The following FBXL17 variants were observed in gnomAD, a reference collection of about 807,000 sequenced individuals.
The protein encoded by FBXL17 is F-box/LRR-repeat protein 17.
A neutral mutation model predicts 66.2 loss-of-function variants in FBXL17; 22 were observed. The ratio of observed to expected loss-of-function variants is 0.33; its 90% CI spans 0.24 to 0.47. The LOEUF (loss-of-function observed/expected upper bound fraction) is 0.47. Ranked by LOEUF, FBXL17 falls within the 20% of genes least tolerant of loss-of-function variation. The pLI, the probability that FBXL17 is intolerant of heterozygous loss-of-function variation, is 1.00. For missense variants in FBXL17, 878 were observed against 948.2 expected, an observed-to-expected ratio of 0.93 and a Z score of 0.97; for synonymous variants, 474 against 400.5, an observed-to-expected ratio of 1.18 and a Z score of -2.19.
chr5:107,870,853 T>C (rs1263491827), intron 8 of FBXL17, among the ~76,000 whole-genome samples: 4 of 151,878 alleles, frequency 2.6e-5, no homozygotes, highest in African/African-American at 9.7e-5. Context: ...CCCAAAGTGC[T>C]GGGTTAATAC....
rs565268305 is a variant in FBXL17, at chr5:108,328,516, T to C, written c.1506+19883A>G. ...TGATGGGAAAAAATGAAAAGAGCCA[T>C]AGTACCCATCAATAATGAAGTCTTG... On this transcript the variant is annotated intron_variant, in intron 4 of 8. Coordinates refer to ENST00000542267, the MANE Select transcript of FBXL17 (RefSeq NM_001163315.3). 2.6e-5 allele frequency among the ~76,000 whole-genome samples: 4 copies of C among 152,134 alleles called. No homozygotes were observed. The South Asian group carries it at 8.3e-4, about 32-fold the overall frequency.
chr5:108,186,298 T>C (rs1001922578), intron 5 of FBXL17, 51 bp from the exon 6 acceptor site: 2 of 1,497,362 alleles, frequency 1.3e-6, no homozygotes, highest in African/African-American at 2.8e-5. Flanking sequence ...CTACATTCAC[T>C]CTCAAAACTT....
intron 7 of FBXL17, among the ~76,000 whole-genome samples, chr5:107,962,662 AG>A (rs1009016836): frequency 2.6e-5 from 4 of 151,978 alleles, no homozygotes; most frequent in Non-Finnish European, 5.9e-5. Flanking sequence ...ATTAAATAAC[AG>A]GGCAAGCGTT....
rs185987299 is a variant in FBXL17, at chr5:108,012,293, A to C, written c.1822+8632T>G. Reference sequence around the variant, plus strand: ...ATCATTTTAAGAAAATATTTGTTGAATATATTAATACATACTGAATATCAA... The same window carrying C: ...ATCATTTTAAGAAAATATTTGTTGACTATATTAATACATACTGAATATCAA... On this transcript the variant is annotated intron_variant, in intron 7 of 8. Coordinates refer to ENST00000542267, the MANE Select transcript of FBXL17 (RefSeq NM_001163315.3). Among the ~76,000 whole-genome samples the C allele has an allele frequency of 2.9e-3, 435 of 152,328 alleles. 2 individuals are homozygous for C. The highest frequency in any genetic ancestry group is 0.01 in the African/African-American group (418 of 41,586).
chr5:108,160,906 C>A lies in FBXL17; in HGVS notation c.1745+25211G>T, dbSNP rs187567511. Among the ~76,000 whole-genome samples the A allele has an allele frequency of 1.1e-3, 174 of 152,202 alleles. 1 individual carries two copies. Among genetic ancestry groups the A allele is most frequent in the African/African-American group, 3.8e-3 (157 of 41,528 alleles). On this transcript the variant is annotated intron_variant, in intron 6 of 8. Transcript: ENST00000542267. ...TGCCGTCAACCCAGAGGATTTATGG[C>A]TGAGGCTGTGAAGGGAGCCATTTCC...
chr5:108,346,180 GGTTA>G (rs1402379669), intron 4 of FBXL17, among the ~76,000 whole-genome samples: 1 of 151,774 alleles, frequency 6.6e-6, no homozygotes, highest in African/African-American at 2.4e-5. Context: ...TCCTATAGGA[GGTTA>G]GTTATCAATA....
intron 6 of FBXL17, among the ~76,000 whole-genome samples, chr5:108,168,768 T>C (rs1007458109): frequency 2.0e-5 from 3 of 152,122 alleles, no homozygotes; most frequent in African/African-American, 7.2e-5. Flanking sequence ...CCAGTGTGGA[T>C]CATCACAAAT....
At chr5:108,174,325 C>T (rs1350534916) in intron 6 of FBXL17, among the ~76,000 whole-genome samples, 1 of 152,096 alleles carries the variant, frequency 6.6e-6, no homozygotes, top group Non-Finnish European at 1.5e-5. Context: ...ATAGTTAACA[C>T]TTTTAAAAAA....
In FBXL17 at chr5:108,352,408, G is replaced by T. The variant is rs948526928; in HGVS notation, c.1375-3878C>A. The stretch of plus-strand genomic sequence containing the variant: ...TGACCCACAGAAAAACATTCAGAGG[G>T]CATCAACCAAATCTTACAAAATCAT... On this transcript the variant is annotated intron_variant, in intron 3 of 8. Transcript: ENST00000542267. Among the ~76,000 whole-genome samples the T allele has an allele frequency of 7.9e-5, 12 of 152,298 alleles. 1 individual carries two copies. In the East Asian group the frequency reaches 1.7e-3, roughly 22 times the overall value.
chr5:107,872,696 G>A (rs1479870347), intron 8 of FBXL17, among the ~76,000 whole-genome samples: 1 of 152,186 alleles, frequency 6.6e-6, no homozygotes, highest in African/African-American at 2.4e-5. Flanking sequence ...AGAGACGAAG[G>A]TAGGAAGGGT....
intron 7 of FBXL17, among the ~76,000 whole-genome samples, chr5:108,012,178 A>G (rs1754201472): frequency 6.6e-6 from 1 of 152,198 alleles, no homozygotes; most frequent in African/African-American, 2.4e-5. Flanking sequence ...GAAAATAGGT[A>G]ATACTACTTC....
At chr5:108,076,858 T>C (rs1478263545) in intron 6 of FBXL17, among the ~76,000 whole-genome samples, 1 of 152,204 alleles carries the variant, frequency 6.6e-6, no homozygotes, top group Non-Finnish European at 1.5e-5. Context: ...AGACTTCTTA[T>C]TTTACTCAGG....
At chr5:108,129,759 A>G (rs1358016003) in intron 6 of FBXL17, among the ~76,000 whole-genome samples, 1 of 151,018 alleles carries the variant, frequency 6.6e-6, no homozygotes, top group Non-Finnish European at 1.5e-5. Context: ...AAACCTGAAT[A>G]GAACAAAGAT....
intron 7 of FBXL17, among the ~76,000 whole-genome samples, chr5:107,960,954 G>A (rs918625629): frequency 6.6e-6 from 1 of 152,126 alleles, no homozygotes; most frequent in Non-Finnish European, 1.5e-5. Flanking sequence ...CAGAGGGTAT[G>A]CACAGGAAGT....
chr5:108,308,564 A>G (rs1263104020), intron 4 of FBXL17, among the ~76,000 whole-genome samples: 1 of 152,098 alleles, frequency 6.6e-6, no homozygotes, highest in Non-Finnish European at 1.5e-5. Context: ...TATTAATTCT[A>G]ATTTGGGAAG....
In FBXL17 at chr5:107,878,125, C is replaced by T. The variant is rs369767997; in HGVS notation, c.1965+2912G>A. 9.6e-5 allele frequency: 53 copies of T among 554,744 alleles called. No homozygotes were observed. In the African/African-American group the frequency reaches 1.0e-3, roughly 11 times the overall value. 34.4% of individuals were successfully genotyped at this position (554,744 alleles called of 1,614,324 possible). A position where few individuals can be genotyped will look rare whatever the true frequency, so the allele number is the denominator to read the frequency against. On this transcript the variant is annotated intron_variant, in intron 8 of 8. Coordinates refer to ENST00000542267, the MANE Select transcript of FBXL17 (RefSeq NM_001163315.3). Reference sequence around the variant, plus strand: ...TACGGAGGCATTAGTTTTTCCATTGCAAAGTGTGTAGAAAGTGTAATTACT... The same window carrying T: ...TACGGAGGCATTAGTTTTTCCATTGTAAAGTGTGTAGAAAGTGTAATTACT...
At chr5:108,154,669 A>G (rs1240600383) in intron 6 of FBXL17, among the ~76,000 whole-genome samples, 1 of 143,822 alleles carries the variant, frequency 7.0e-6, no homozygotes, top group Non-Finnish European at 1.5e-5. Flanking sequence ...ATACATATAT[A>G]TGTGTATATA....
intron 7 of FBXL17, among the ~76,000 whole-genome samples, chr5:107,978,817 G>A (rs2112664744): frequency 6.6e-6 from 1 of 152,288 alleles, no homozygotes; most frequent in East Asian, 1.9e-4. Flanking sequence ...CTTGCATGTG[G>A]CTAGCCTCAC....
chr5:108,157,081 C>A (rs1263812403), intron 6 of FBXL17, among the ~76,000 whole-genome samples: 1 of 150,474 alleles, frequency 6.6e-6, no homozygotes, highest in Non-Finnish European at 1.5e-5. Flanking sequence ...AGAGTTAGAT[C>A]TAGCTCTTAG....
Sources: allele counts gnomAD v4.1 joint callset (sites outside exome capture counted in the v4.1 genomes callset), GRCh38; gene constraint gnomAD v4.1.1; transcripts MANE v1.5; gene names NCBI Gene and HGNC (gene_info 2026-07-23, HGNC 2026-07-21).